The following ZDHHC14 variants were observed in gnomAD, a reference collection of about 807,000 sequenced individuals.
ZDHHC14 encodes the protein zDHHC palmitoyltransferase 14, also known as palmitoyltransferase ZDHHC14.
Under a neutral mutation model 47.7 loss-of-function variants are expected in ZDHHC14, and 16 were observed. The observed-to-expected ratio is 0.34, with a 90% CI of 0.23 to 0.51. The LOEUF is 0.51. ZDHHC14 is among the 20% of genes least tolerant of loss of function. The probability of loss-of-function intolerance (pLI) is 0.97; values close to 1 mark genes in which losing one functional copy is unlikely to be tolerated. For missense variants in ZDHHC14, 515 were observed against 662.5 expected (o/e 0.78, Z 2.44); for synonymous variants, 293 against 278.9 (o/e 1.05, Z -0.50).
intron 5 of ZDHHC14, among the ~76,000 whole-genome samples, chr6:157,642,970 G>A (rs1028279355): frequency 1.3e-5 from 2 of 152,210 alleles, no homozygotes; most frequent in Non-Finnish European, 2.9e-5. Context: ...AATTAGGAAG[G>A]GGACCAGCCT....
chr6:157,505,396 T>G (rs1780300947), intron 1 of ZDHHC14, among the ~76,000 whole-genome samples: 1 of 152,198 alleles, frequency 6.6e-6, no homozygotes, highest in Non-Finnish European at 1.5e-5. Context: ...TTTGCGTAGT[T>G]CAGGGAGAGG....
At chr6:157,549,972 G>A (rs1310323337) in intron 2 of ZDHHC14, among the ~76,000 whole-genome samples, 1 of 152,224 alleles carries the variant, frequency 6.6e-6, no homozygotes, top group Non-Finnish European at 1.5e-5. Context: ...GGGGACTTAG[G>A]AGGACAGCTC....
chr6:157,483,662 C>T (rs955244070), intron 1 of ZDHHC14, among the ~76,000 whole-genome samples: 11 of 152,058 alleles, frequency 7.2e-5, no homozygotes, highest in African/African-American at 1.9e-4. Context: ...TTGTTGCTGT[C>T]GAAATTACAT....
At chr6:157,430,452 T>G (rs1261164070) in intron 1 of ZDHHC14, among the ~76,000 whole-genome samples, 1 of 152,208 alleles carries the variant, frequency 6.6e-6, no homozygotes, top group African/African-American at 2.4e-5. Context: ...GAACCTGTTT[T>G]CTTGCCTTTT....
intron 1 of ZDHHC14, among the ~76,000 whole-genome samples, chr6:157,430,372 C>T (rs1019975946): frequency 2.7e-5 from 4 of 150,210 alleles, no homozygotes; most frequent in Admixed American, 2.0e-4. Flanking sequence ...GGTAGGAAGT[C>T]CAAAATGAAT....
chr6:157,564,507 A>T (rs1562483658), intron 2 of ZDHHC14, among the ~76,000 whole-genome samples: 1 of 152,248 alleles, frequency 6.6e-6, no homozygotes, highest in Non-Finnish European at 1.5e-5. Flanking sequence ...CTAGAAACTC[A>T]GTTCAACCCA....
intron 1 of ZDHHC14, among the ~76,000 whole-genome samples, chr6:157,439,306 C>T (rs1406846024): frequency 1.3e-5 from 2 of 152,120 alleles, no homozygotes; most frequent in Admixed American, 6.5e-5. Flanking sequence ...GGAACGTAAA[C>T]AAATTTACAA....
intron 1 of ZDHHC14, among the ~76,000 whole-genome samples, chr6:157,480,715 G>T (rs1182507815): frequency 6.6e-6 from 1 of 152,174 alleles, no homozygotes; most frequent in Non-Finnish European, 1.5e-5. Context: ...CAATCTGAGG[G>T]TACAGTTGTA....
intron 5 of ZDHHC14, among the ~76,000 whole-genome samples, chr6:157,638,556 G>T (rs368640095): frequency 1.3e-5 from 2 of 151,640 alleles, no homozygotes; most frequent in East Asian, 3.9e-4. Flanking sequence ...AAACAAAGGA[G>T]ATCCACTCAG....
chr6:157,442,567 TA>T (rs1286474923), intron 1 of ZDHHC14, among the ~76,000 whole-genome samples: 2 of 152,228 alleles, frequency 1.3e-5, no homozygotes, highest in African/African-American at 4.8e-5. Flanking sequence ...GGTGGCAAGA[TA>T]AATATCACTT....
At chr6:157,637,010 T>C (rs1267225281) in intron 5 of ZDHHC14, among the ~76,000 whole-genome samples, 4 of 152,220 alleles carry the variant, frequency 2.6e-5, no homozygotes, top group African/African-American at 7.2e-5. Flanking sequence ...TTAAGAAGTA[T>C]TGCACAGATT....
intron 1 of ZDHHC14, among the ~76,000 whole-genome samples, chr6:157,489,280 G>A (rs925433844): frequency 6.6e-6 from 1 of 152,176 alleles, no homozygotes; most frequent in Non-Finnish European, 1.5e-5. Flanking sequence ...ATGTGAACCC[G>A]ATACATAGAA....
At chr6:157,646,526 T>A (rs1777562688) in intron 6 of ZDHHC14, 2 of 148,656 alleles carry the variant, frequency 1.3e-5, no homozygotes, top group Admixed American at 1.4e-4. Flanking sequence ...GACCAGAGAA[T>A]CGCTTGAACC....
chr6:157,495,013 G>A (rs139523204), intron 1 of ZDHHC14, among the ~76,000 whole-genome samples: 3,127 of 151,816 alleles, frequency 0.021, 46 homozygotes, highest in South Asian at 0.041. Flanking sequence ...CTTGACAGCT[G>A]TGTTATGCCA....
In ZDHHC14 at chr6:157,666,306, A is replaced by AAATACCC. The variant is rs1778554128; in HGVS notation, c.1069-6417_1069-6411dup. 2.0e-5 allele frequency among the ~76,000 whole-genome samples: 3 copies of AAATACCC among 152,336 alleles called. No homozygotes were observed. In the South Asian group the frequency reaches 6.2e-4, roughly 32 times the overall value. ...CTGTATTTACTTAACCTAACATTTT[A>AAATACCC]AATACCCCAATCCAGTATCAAAACA... On this transcript the variant is annotated intron_variant, in intron 8 of 8. Transcript: ENST00000359775.
In ZDHHC14 at chr6:157,381,866, C is replaced by G. The variant is rs1166628970; in HGVS notation, c.-156C>G. On this transcript the variant is annotated 5_prime_UTR_variant, in exon 1 of 9. Coordinates refer to ENST00000359775, the MANE Select transcript of ZDHHC14 (RefSeq NM_024630.3). ...TCCCCGGAGGGTTAACCTGGGTGTC[C>G]TCGGCAAAGTTGTCGCCGAGCCGGG... 8 of 571,944 alleles carry G rather than the reference C, an allele frequency of 1.4e-5. No homozygotes were observed. Among genetic ancestry groups the G allele is most frequent in the Non-Finnish European group, 1.8e-5 (8 of 455,540 alleles). The allele number at this position is 571,944 out of a possible 1,614,324, so 35.4% of individuals were successfully genotyped here. A position where few individuals can be genotyped will look rare whatever the true frequency, so the allele number is the denominator to read the frequency against.
At chr6:157,562,107 A>G (rs1782731574) in intron 2 of ZDHHC14, among the ~76,000 whole-genome samples, 1 of 152,216 alleles carries the variant, frequency 6.6e-6, no homozygotes, top group Admixed American at 6.5e-5. Flanking sequence ...GCTTGAAGGT[A>G]TCCAGAAAAC....
intron 1 of ZDHHC14, among the ~76,000 whole-genome samples, chr6:157,521,510 G>A (rs1371236258): frequency 6.6e-6 from 1 of 152,212 alleles, no homozygotes; most frequent in South Asian, 2.1e-4. Context: ...TTGGTGTCTA[G>A]TGAGGACCCA....
At chr6:157,656,719 CA>C (rs35815142) in intron 8 of ZDHHC14, among the ~76,000 whole-genome samples, 2,329 of 106,328 alleles carry the variant, frequency 0.022, 72 homozygotes, top group African/African-American at 0.069. Context: ...AAAAAAAAAA[CA>C]AAAAAAAAAA....
Sources: gnomAD v4.1 joint callset for allele counts (sites outside exome capture counted in the v4.1 genomes callset) on GRCh38, gnomAD v4.1.1 for gene constraint, MANE v1.5 for transcripts, NCBI Gene and HGNC (gene_info 2026-07-23, HGNC 2026-07-21) for gene names.